Variants in SGMS1 observed in about 807,000 individuals in gnomAD.
The protein encoded by SGMS1 is sphingomyelin synthase 1, also known as phosphatidylcholine:ceramide cholinephosphotransferase 1.
A neutral mutation model predicts 46.2 loss-of-function variants in SGMS1; 13 were observed. That is an observed-to-expected ratio of 0.28 (90% CI 0.18 to 0.45). The LOEUF (loss-of-function observed/expected upper bound fraction) is 0.45. Among genes scored for constraint, SGMS1 ranks in the 20% least tolerant of loss-of-function variants. SGMS1 has a pLI of 1.00. For synonymous variants in SGMS1, 203 were observed against 187.8 expected, an observed-to-expected ratio of 1.08 and a Z score of -0.66; for missense variants, 324 against 519.9, an observed-to-expected ratio of 0.62 and a Z score of 3.66.
intron 6 of SGMS1, among the ~76,000 whole-genome samples, chr10:50,421,996 A>G (rs1307427034): frequency 6.6e-6 from 1 of 152,098 alleles, no homozygotes; most frequent in Non-Finnish European, 1.5e-5. Flanking sequence ...TCTTTTTAGT[A>G]CATATCCCAT....
At chr10:50,469,133 G>A (rs1406108453) in intron 3 of SGMS1, among the ~76,000 whole-genome samples, 2 of 152,206 alleles carry the variant, frequency 1.3e-5, no homozygotes, top group Non-Finnish European at 2.9e-5. Context: ...TTACGTGTCG[G>A]ATACCTTTAG....
chr10:50,443,102 T>C (rs1362173357), intron 5 of SGMS1, among the ~76,000 whole-genome samples: 1 of 152,182 alleles, frequency 6.6e-6, no homozygotes, highest in Non-Finnish European at 1.5e-5. Flanking sequence ...TAAATGTATA[T>C]AGGAAAAGTC....
Position 50,341,442 on chromosome 10 carries a change from G to A in SGMS1, c.623+2050C>T, listed in dbSNP as rs771549845. 16 of 455,832 alleles carry A rather than the reference G, an allele frequency of 3.5e-5. 1 individual carries two copies. The Middle Eastern group carries it at 1.6e-3, about 46-fold the overall frequency. The allele number at this position is 455,832 out of a possible 1,614,324, so 28.2% of individuals were successfully genotyped here. A position where few individuals can be genotyped will look rare whatever the true frequency, so the allele number is the denominator to read the frequency against. ...CTTTCATTTCCCACATCCCTATCCCGCCAGAGGTGAAAATCAGAGAGGACT... is the reference window on the plus strand; with the variant it reads ...CTTTCATTTCCCACATCCCTATCCCACCAGAGGTGAAAATCAGAGAGGACT... On this transcript the variant is annotated intron_variant, in intron 7 of 10. Transcript: ENST00000361781.
intron 7 of SGMS1, chr10:50,328,078 G>T: frequency 2.6e-6 from 1 of 387,554 alleles, no homozygotes; most frequent in South Asian, 2.0e-5. Context: ...ATTATTATTA[G>T]GTTCTAACAA....
chr10:50,370,024 T>G (rs1235543676), intron 6 of SGMS1, among the ~76,000 whole-genome samples: 1 of 152,178 alleles, frequency 6.6e-6, no homozygotes, highest in African/African-American at 2.4e-5. Flanking sequence ...GAAAAGGTAC[T>G]GTAAAAATAT....
chr10:50,377,886 C>T (rs1037153632), intron 6 of SGMS1, among the ~76,000 whole-genome samples: 3 of 152,156 alleles, frequency 2.0e-5, no homozygotes, highest in East Asian at 1.9e-4. Context: ...CTTCACATTG[C>T]CTTCCCTTCA....
chr10:50,574,984 T>TATATAA (rs1466751231), intron 2 of SGMS1, among the ~76,000 whole-genome samples: 6 of 144,748 alleles, frequency 4.1e-5, no homozygotes, highest in African/African-American at 1.5e-4. Flanking sequence ...TATATATATA[T>TATATAA]AAAACAAAGT....
intron 3 of SGMS1, among the ~76,000 whole-genome samples, chr10:50,493,530 C>A (rs761015951): frequency 9.2e-5 from 14 of 152,108 alleles, no homozygotes; most frequent in Non-Finnish European, 1.9e-4. Flanking sequence ...AATAAACAGA[C>A]AACCTACAGT....
intron 3 of SGMS1, among the ~76,000 whole-genome samples, chr10:50,467,756 G>A (rs1048400183): frequency 2.0e-5 from 3 of 152,104 alleles, no homozygotes; most frequent in African/African-American, 7.2e-5. Context: ...CCCTGTATCT[G>A]GACAAAAATA....
At chr10:50,430,730 G>T (rs1849395137) in intron 6 of SGMS1, among the ~76,000 whole-genome samples, 1 of 152,004 alleles carries the variant, frequency 6.6e-6, no homozygotes, top group Admixed American at 6.5e-5. Flanking sequence ...TCTGTTTTCT[G>T]AGTATTTTAT....
At position 50,307,751 on chromosome 10, in the gene SGMS1, A is replaced by T. The variant is rs568315596; in HGVS notation, c.1062+231T>A. Among the ~76,000 whole-genome samples the T allele has an allele frequency of 1.3e-5, 2 of 152,310 alleles. No individual in the cohort carries two copies. The highest frequency in any genetic ancestry group is 4.1e-4 in the South Asian group (2 of 4,828). ...TATTTTTCATTTTTCAAGGACAATG[A>T]AAGTGCGTTCCTTATTCTAGAAGGA... On this transcript the variant is annotated intron_variant, in intron 10 of 10. Transcript: ENST00000361781. The surrounding 1 kb of genome is among the most constrained non-coding windows in gnomAD (Gnocchi z 4.2).
intron 5 of SGMS1, among the ~76,000 whole-genome samples, chr10:50,453,130 A>G (rs1231866588): frequency 6.6e-6 from 1 of 152,144 alleles, no homozygotes; most frequent in Non-Finnish European, 1.5e-5. Flanking sequence ...CATCAGTGAG[A>G]GCCAACAGAA....
rs891425222 is a variant in SGMS1 at position 50,307,432 on chromosome 10, C to G, written c.1063-111G>C. The G allele has an allele frequency of 2.0e-5, 16 of 799,048 alleles. No individual in the cohort carries two copies. Among genetic ancestry groups the G allele is most frequent in the African/African-American group, 1.6e-4 (9 of 57,550 alleles). The allele number at this position is 799,048 out of a possible 1,614,324, so 49.5% of individuals were successfully genotyped here. A position where few individuals can be genotyped will look rare whatever the true frequency, so the allele number is the denominator to read the frequency against. On this transcript the variant is annotated intron_variant, in intron 10 of 10. Coordinates refer to ENST00000361781, the MANE Select transcript of SGMS1 (RefSeq NM_147156.4). This position sits in a 1 kb window ranked among gnomAD's most constrained non-coding sequence, Gnocchi z 4.2. The stretch of plus-strand genomic sequence containing the variant: ...CTCCATACCTGCCCTGCGTGTCCAC[C>G]CACATATCCCAGCTTCTCTCTCTCA...
At position 50,365,250 on chromosome 10, in the gene SGMS1, C is replaced by G. The variant is rs190551542; in HGVS notation, c.-231-20905G>C. Among the ~76,000 whole-genome samples, 473 of 47,982 alleles carry G rather than the reference C, an allele frequency of 9.9e-3. 1 individual carries two copies. Among genetic ancestry groups the G allele is most frequent in the African/African-American group, 0.027 (429 of 15,612 alleles). 31.5% of individuals were successfully genotyped at this position (47,982 alleles called of 152,430 possible). A position where few individuals can be genotyped will look rare whatever the true frequency, so the allele number is the denominator to read the frequency against. ...CCTGGGCGACGGAGTGAGACTCCAT[C>G]TCACCAAAAAAAAAAAAAAAAAAAA... On this transcript the variant is annotated intron_variant, in intron 6 of 10. Coordinates refer to ENST00000361781, the MANE Select transcript of SGMS1 (RefSeq NM_147156.4).
At chr10:50,601,288 G>A (rs909446052) in intron 1 of SGMS1, among the ~76,000 whole-genome samples, 3 of 152,200 alleles carry the variant, frequency 2.0e-5, no homozygotes, top group Non-Finnish European at 4.4e-5. Context: ...TTTTTCACAA[G>A]ATACAGGAAG....
chr10:50,536,100 G>T (rs192213879), intron 2 of SGMS1, among the ~76,000 whole-genome samples: 2 of 152,258 alleles, frequency 1.3e-5, no homozygotes, highest in East Asian at 3.9e-4. Context: ...TTGGGAGGCT[G>T]AAGTCGAAAG....
chr10:50,457,549 T>TAACCAACAACACCCAACAGAAGACCCA (rs1333143192), intron 5 of SGMS1, among the ~76,000 whole-genome samples: 24 of 152,258 alleles, frequency 1.6e-4, no homozygotes, highest in Admixed American at 1.6e-3. Flanking sequence ...TACCCAACAG[T>TAACCAACAACACCCAACAGAAGACCCA]TAGTCTTCCA....
At chr10:50,500,159 C>T (rs1837650283) in intron 3 of SGMS1, among the ~76,000 whole-genome samples, 1 of 152,142 alleles carries the variant, frequency 6.6e-6, no homozygotes, top group South Asian at 2.1e-4. Context: ...CAGAGCGGGA[C>T]TCCATCTCAA....
intron 6 of SGMS1, among the ~76,000 whole-genome samples, chr10:50,371,733 G>A (rs1056597956): frequency 6.6e-6 from 1 of 152,130 alleles, no homozygotes; most frequent in Non-Finnish European, 1.5e-5. Context: ...CTCTGACTTA[G>A]TACATTCTGT....
Sources: gnomAD v4.1 joint callset for allele counts (sites outside exome capture counted in the v4.1 genomes callset) on GRCh38, gnomAD v4.1.1 for gene constraint, Gnocchi (gnomAD v3.1) non-coding constraint, MANE v1.5 for transcripts, NCBI Gene and HGNC (gene_info 2026-07-23, HGNC 2026-07-21) for gene names.